GRIK3: variants seen among roughly 807,000 people sequenced by gnomAD.
GRIK3 encodes glutamate ionotropic receptor kainate type subunit 3.
In GRIK3, 29 loss-of-function variants were observed where a neutral mutation model predicts 102.5. The ratio of observed to expected loss-of-function variants is 0.28; its 90% confidence interval spans 0.21 to 0.39. The LOEUF (loss-of-function observed/expected upper bound fraction) is 0.39. GRIK3 is among the 10% of genes least tolerant of loss of function. GRIK3 has a pLI of 1.00. For missense variants in GRIK3, 908 were observed against 1,252.4 expected (o/e 0.73, Z 4.15); for synonymous variants, 511 against 504.9 (o/e 1.01, Z -0.16).
In GRIK3 at chr1:36,951,336, C is replaced by G. The variant is rs748994771; in HGVS notation, c.116-60240G>C. On this transcript the variant is annotated intron_variant, in intron 1 of 15. Coordinates refer to ENST00000373091, the MANE Select transcript of GRIK3 (RefSeq NM_000831.4). ...CAAGGACAATACCAGCAAGGGACAG[C>G]AAATACTTAGGGGTCCTTGGGCCGA... Among the ~76,000 whole-genome samples, 72 of 152,222 alleles carry G rather than the reference C, an allele frequency of 4.7e-4. 1 individual carries two copies. Among genetic ancestry groups the G allele is most frequent in the Non-Finnish European group, 8.7e-4 (59 of 68,032 alleles).
rs566956612 is a variant in GRIK3 at position 36,886,819 on chromosome 1, C to T, written c.292+4101G>A. Reference sequence around the variant, plus strand: ...AAGAAGGGTCTCTCTTGCTCCTTCCCAGTCAATATCCACTCACTGCACACT... The same window carrying T: ...AAGAAGGGTCTCTCTTGCTCCTTCCTAGTCAATATCCACTCACTGCACACT... On this transcript the variant is annotated intron_variant, in intron 2 of 15. Coordinates refer to ENST00000373091, the MANE Select transcript of GRIK3 (RefSeq NM_000831.4). Among the ~76,000 whole-genome samples the T allele has an allele frequency of 1.1e-4, 16 of 152,284 alleles. No homozygotes were observed. The East Asian group carries it at 3.1e-3, about 29-fold the overall frequency.
At chr1:36,945,538 GC>G (rs59660035) in intron 1 of GRIK3, among the ~76,000 whole-genome samples, 10,589 of 152,208 alleles carry the variant, frequency 0.07, 1,168 homozygotes, top group African/African-American at 0.23. Context: ...GATCCTTCCT[GC>G]CAACAGATGG....
At chr1:36,978,048 T>C (rs747555888) in intron 1 of GRIK3, among the ~76,000 whole-genome samples, 3 of 152,262 alleles carry the variant, frequency 2.0e-5, no homozygotes, top group Non-Finnish European at 2.9e-5. Context: ...ATTATGTCTT[T>C]GTTATGCTAA....
chr1:36,957,852 CG>C (rs1641940718), intron 1 of GRIK3, among the ~76,000 whole-genome samples: 1 of 38,518 alleles, frequency 2.6e-5, no homozygotes, highest in African/African-American at 2.2e-4. Flanking sequence ...CTCTGTGCCC[CG>C]TGAGTCTGTG....
chr1:36,849,390 C>T (rs1471826086), intron 9 of GRIK3, among the ~76,000 whole-genome samples: 1 of 152,218 alleles, frequency 6.6e-6, no homozygotes, highest in Non-Finnish European at 1.5e-5. Flanking sequence ...ACGGGTTGAA[C>T]TCCCTTTTGT....
In GRIK3 at chr1:37,034,136, G is replaced by T; in HGVS notation, c.-28C>A. On this transcript the variant is annotated 5_prime_UTR_variant, in exon 1 of 16. Coordinates refer to ENST00000373091, the MANE Select transcript of GRIK3 (RefSeq NM_000831.4). The stretch of plus-strand genomic sequence containing the variant: ...TTGGGCGCCGCCGAGCGTGCCCGGG[G>T]CGCGGCCGTGGCGGGCTCCCTGGGG... The T allele has an allele frequency of 2.3e-6, 3 of 1,300,674 alleles. No individual in the cohort carries two copies. Among genetic ancestry groups the T allele is most frequent in the Non-Finnish European group, 3.2e-6 (3 of 942,930 alleles). The allele number at this position is 1,300,674 out of a possible 1,614,324, so 80.6% of individuals were successfully genotyped here.
At chr1:36,938,565 A>T (rs1641685279) in intron 1 of GRIK3, among the ~76,000 whole-genome samples, 1 of 152,160 alleles carries the variant, frequency 6.6e-6, no homozygotes, top group African/African-American at 2.4e-5. Flanking sequence ...AAAGGCCAGG[A>T]GATGAAAAGC....
At chr1:36,916,490 C>T (rs1446239899) in intron 1 of GRIK3, among the ~76,000 whole-genome samples, 1 of 152,112 alleles carries the variant, frequency 6.6e-6, no homozygotes, top group Non-Finnish European at 1.5e-5. Context: ...CATGGCAGCC[C>T]CTCACATCAC....
chr1:36,942,395 C>A (rs1641732647), intron 1 of GRIK3, among the ~76,000 whole-genome samples: 1 of 152,216 alleles, frequency 6.6e-6, no homozygotes, highest in South Asian at 2.1e-4. Flanking sequence ...TGGGCTTGGA[C>A]TTCAAAGGCT....
chr1:36,965,238 T>C (rs3894724), intron 1 of GRIK3, among the ~76,000 whole-genome samples: 17,742 of 152,196 alleles, frequency 0.12, 1,189 homozygotes, highest in African/African-American at 0.19. Context: ...TTCCAGAAGA[T>C]GGTGATTCGT....
chr1:36,801,645 C>T lies in GRIK3; in HGVS notation c.*206G>A. On this transcript the variant is annotated 3_prime_UTR_variant, in exon 16 of 16. Transcript: ENST00000373091. Reference sequence around the variant, plus strand: ...CTCGGCTGGCAGCTTTAGAAACCCACAGAAGATCTGAGGAGGATGAAGCCC... The same window carrying T: ...CTCGGCTGGCAGCTTTAGAAACCCATAGAAGATCTGAGGAGGATGAAGCCC... The T allele has an allele frequency of 2.2e-6, 1 of 450,570 alleles. No homozygotes were observed. The highest frequency in any genetic ancestry group is 5.7e-5 in the South Asian group (1 of 17,422). The allele number at this position is 450,570 out of a possible 1,614,324, so 27.9% of individuals were successfully genotyped here. A position where few individuals can be genotyped will look rare whatever the true frequency, so the allele number is the denominator to read the frequency against.
chr1:36,963,164 C>T (rs1642034149), intron 1 of GRIK3, among the ~76,000 whole-genome samples: 1 of 152,168 alleles, frequency 6.6e-6, no homozygotes, highest in East Asian at 1.9e-4. Context: ...GTCTCCCCAT[C>T]TGCCTCTCCA....
intron 1 of GRIK3, among the ~76,000 whole-genome samples, chr1:36,997,725 T>G (rs906033930): frequency 6.6e-6 from 1 of 152,070 alleles, no homozygotes; most frequent in African/African-American, 2.4e-5. Flanking sequence ...CCAGTCTGAG[T>G]CCTAAGAGGG....
chr1:36,841,683 A>C, intron 10 of GRIK3, 53 bp downstream of exon 10: 1 of 1,462,926 alleles, frequency 6.8e-7, no homozygotes, highest in Non-Finnish European at 9.6e-7. Flanking sequence ...AGACAGTTCT[A>C]GGCCAAGTCT....
rs895645961 is a variant in GRIK3, at chr1:36,936,750, T to A, written c.116-45654A>T. On this transcript the variant is annotated intron_variant, in intron 1 of 15. Transcript: ENST00000373091. ...TCTATTCCATCCTCTGCCAAGTGAGTCTGGCATGCTAGGGGCTGTTAAGTG... is the reference window on the plus strand; with the variant it reads ...TCTATTCCATCCTCTGCCAAGTGAGACTGGCATGCTAGGGGCTGTTAAGTG... Among the ~76,000 whole-genome samples, 7 of 152,196 alleles carry A rather than the reference T, an allele frequency of 4.6e-5. No individual in the cohort carries two copies. In the East Asian group the frequency reaches 1.2e-3, roughly 25 times the overall value.
intron 1 of GRIK3, among the ~76,000 whole-genome samples, chr1:36,940,657 G>C (rs1221298492): frequency 2.0e-5 from 3 of 152,166 alleles, no homozygotes; most frequent in African/African-American, 7.2e-5. Context: ...GCATCTGAGG[G>C]GCCTGGCAGA....
intron 9 of GRIK3, among the ~76,000 whole-genome samples, chr1:36,843,707 C>T (rs184135065): frequency 6.0e-4 from 92 of 152,320 alleles, no homozygotes; most frequent in African/African-American, 2.1e-3. Flanking sequence ...CTCCTTCCTT[C>T]GCCCCCTGCC....
At chr1:36,970,834 G>A (rs1353983638) in intron 1 of GRIK3, among the ~76,000 whole-genome samples, 1 of 152,172 alleles carries the variant, frequency 6.6e-6, no homozygotes, top group East Asian at 1.9e-4. Context: ...TTTTGTAATT[G>A]GTTTTTCATG....
intron 1 of GRIK3, among the ~76,000 whole-genome samples, chr1:36,945,927 A>G (rs1165684295): frequency 6.6e-6 from 1 of 152,142 alleles, no homozygotes; most frequent in African/African-American, 2.4e-5. Flanking sequence ...AGGGGGACCT[A>G]CGTTCTGGAG....
Sources: gnomAD v4.1 joint callset for allele counts (sites outside exome capture counted in the v4.1 genomes callset) on GRCh38, gnomAD v4.1.1 for gene constraint, MANE v1.5 for transcripts, NCBI Gene and HGNC (gene_info 2026-07-23, HGNC 2026-07-21) for gene names.